DCDC1: variants seen among roughly 807,000 people sequenced by gnomAD.
DCDC1 encodes the protein doublecortin domain containing 1, also known as doublecortin domain-containing protein 1.
A neutral mutation model predicts 178.3 loss-of-function variants in DCDC1; 200 were observed. The observed-to-expected ratio is 1.12, with a 90% CI of 1.00 to 1.26. DCDC1 has a LOEUF of 1.26. DCDC1 is among the 50% of genes most tolerant of loss of function. The pLI, the probability that DCDC1 is intolerant of heterozygous loss-of-function variation, is 0.00. For missense variants in DCDC1, 1,983 were observed against 1,749.2 expected (o/e 1.13, Z -2.38); for synonymous variants, 690 against 604.8 (o/e 1.14, Z -2.07).
intron 11 of DCDC1, among the ~76,000 whole-genome samples, chr11:31,110,663 A>C (rs1959144044): frequency 6.6e-6 from 1 of 152,102 alleles, no homozygotes; most frequent in Admixed American, 6.6e-5. Flanking sequence ...TGTGGACATT[A>C]AAGGAGGAAT....
chr11:30,974,122 T>C (rs1277830738), intron 20 of DCDC1, among the ~76,000 whole-genome samples: 1 of 151,480 alleles, frequency 6.6e-6, no homozygotes, highest in East Asian at 1.9e-4. Flanking sequence ...AATTAAACAT[T>C]CTCCTGAATG....
At chr11:31,174,751 C>G (rs2554046) in intron 9 of DCDC1, among the ~76,000 whole-genome samples, 13,943 of 152,182 alleles carry the variant, frequency 0.092, 1,763 homozygotes, top group African/African-American at 0.28. Flanking sequence ...GGACAACCAG[C>G]TGTGGAGAGG....
chr11:30,950,558 T>C (rs1404351586), intron 21 of DCDC1, among the ~76,000 whole-genome samples: 4 of 152,042 alleles, frequency 2.6e-5, no homozygotes, highest in African/African-American at 4.8e-5. Context: ...ACAACACACA[T>C]GGAACTGGAG....
At chr11:30,873,821 G>A (rs571620170) in intron 38 of DCDC1, among the ~76,000 whole-genome samples, 118 of 152,166 alleles carry the variant, frequency 7.8e-4, no homozygotes, top group African/African-American at 2.7e-3. Flanking sequence ...AAAGTACTCC[G>A]CTCCCTGATA....
rs553247158 is a variant in DCDC1, at chr11:31,081,484, C to T, written c.2238-3559G>A. 1.5e-4 allele frequency among the ~76,000 whole-genome samples: 23 copies of T among 152,126 alleles called. No homozygotes were observed. In the South Asian group the frequency reaches 4.1e-3, roughly 27 times the overall value. ...AATTAGCCGGGTGTGGTGGCACATG[C>T]CCGCAATCCCAGCTACTCGGGAGGC... On this transcript the variant is annotated intron_variant, in intron 17 of 38. Transcript: ENST00000684477.
intron 20 of DCDC1, among the ~76,000 whole-genome samples, chr11:30,957,109 T>A (rs1209305619): frequency 6.6e-6 from 1 of 152,184 alleles, no homozygotes; most frequent in African/African-American, 2.4e-5. Context: ...TATTCTCTGA[T>A]TGAAGGCCAA....
intron 14 of DCDC1, among the ~76,000 whole-genome samples, chr11:31,103,130 A>G (rs1238130832): frequency 6.6e-6 from 1 of 152,184 alleles, no homozygotes; most frequent in Non-Finnish European, 1.5e-5. Flanking sequence ...TTATTTGCAG[A>G]TAAGAAACCA....
At chr11:31,122,403 G>A (rs1193301077) in intron 11 of DCDC1, among the ~76,000 whole-genome samples, 1 of 152,058 alleles carries the variant, frequency 6.6e-6, no homozygotes, top group East Asian at 1.9e-4. Context: ...AATCATTTGG[G>A]AGCTTTTGAA....
At chr11:31,188,091 G>A (rs953019381) in intron 9 of DCDC1, among the ~76,000 whole-genome samples, 9 of 151,970 alleles carry the variant, frequency 5.9e-5, no homozygotes, top group African/African-American at 2.2e-4. Flanking sequence ...CAAATAGCTG[G>A]GACTATAAGC....
At chr11:31,047,389 A>T (rs1297109330) in intron 20 of DCDC1, among the ~76,000 whole-genome samples, 1 of 152,232 alleles carries the variant, frequency 6.6e-6, no homozygotes. Flanking sequence ...CAACAGCCAG[A>T]TATTTATAAA....
intron 7 of DCDC1, among the ~76,000 whole-genome samples, chr11:31,282,490 C>T (rs1388472600): frequency 2.0e-5 from 3 of 151,794 alleles, no homozygotes; most frequent in Non-Finnish European, 4.4e-5. Flanking sequence ...TTAAACAACT[C>T]TCCACAGCTG....
intron 1 of DCDC1, among the ~76,000 whole-genome samples, chr11:31,342,463 A>G (rs1950599237): frequency 1.3e-5 from 2 of 152,228 alleles, no homozygotes; most frequent in South Asian, 4.1e-4. Context: ...GGCTTGGCAC[A>G]TGGTAAACAT....
intron 38 of DCDC1, among the ~76,000 whole-genome samples, chr11:30,876,210 G>A (rs942370245): frequency 3.0e-4 from 45 of 152,186 alleles, no homozygotes; most frequent in African/African-American, 9.2e-4. Context: ...GAAAAATACT[G>A]AAATCTGACT....
chr11:31,364,793 T>C (rs1363828523), intron 1 of DCDC1, among the ~76,000 whole-genome samples: 1 of 151,662 alleles, frequency 6.6e-6, no homozygotes, highest in African/African-American at 2.4e-5. Flanking sequence ...GATTATTCAT[T>C]AGAGCTGATT....
At chr11:30,921,099 A>T (rs1946222765) in intron 24 of DCDC1, among the ~76,000 whole-genome samples, 164 bp from the exon 25 acceptor site, 1 of 152,188 alleles carries the variant, frequency 6.6e-6, no homozygotes, top group Non-Finnish European at 1.5e-5. Flanking sequence ...ATTTTTATAG[A>T]TTCTTTACTC....
At chr11:31,213,054 G>C (rs977807682) in intron 9 of DCDC1, among the ~76,000 whole-genome samples, 9 of 144,940 alleles carry the variant, frequency 6.2e-5, no homozygotes, top group Admixed American at 2.1e-4. Flanking sequence ...TCCAGACATA[G>C]ACATGTGCAT....
Position 30,925,144 on chromosome 11 carries a change from A to C in DCDC1, c.2997+165T>G, listed in dbSNP as rs568068772. Among the ~76,000 whole-genome samples, 308 of 152,274 alleles carry C rather than the reference A, an allele frequency of 2.0e-3. 1 individual carries two copies. The highest frequency in any genetic ancestry group is 3.6e-3 in the Non-Finnish European group (248 of 68,026). On this transcript the variant is annotated intron_variant, in intron 23 of 38. Transcript: ENST00000684477. ...CCAGACATATAGGAAGCTCTGAATA[A>C]TGTTAGCTGTTAGTATTACTTTCTG...
chr11:31,326,662 T>C (rs1228348830), intron 3 of DCDC1, among the ~76,000 whole-genome samples: 3 of 152,188 alleles, frequency 2.0e-5, no homozygotes, highest in African/African-American at 7.2e-5. Flanking sequence ...TATGCACTTA[T>C]AGCTGAGAGG....
chr11:31,177,344 C>T (rs191457493), intron 9 of DCDC1, among the ~76,000 whole-genome samples: 40 of 151,294 alleles, frequency 2.6e-4, no homozygotes, highest in Non-Finnish European at 4.6e-4. Flanking sequence ...CCACAGAAAA[C>T]CACCAAACCA....
Sources: gnomAD v4.1 joint callset for allele counts (sites outside exome capture counted in the v4.1 genomes callset) on GRCh38, gnomAD v4.1.1 for gene constraint, MANE v1.5 for transcripts, NCBI Gene and HGNC (gene_info 2026-07-23, HGNC 2026-07-21) for gene names.